The following DMD variants were observed in gnomAD, a reference collection of about 807,000 sequenced individuals.
The protein encoded by DMD is dystrophin, also known as mutant dystrophin.
DMD carries 63 observed loss-of-function variants against 330.1 expected under a neutral mutation model. The observed-to-expected ratio is 0.19, with a 90% CI of 0.16 to 0.24. DMD has a LOEUF of 0.24. DMD is among the 10% of genes least tolerant of loss of function. DMD has a pLI of 1.00. For missense variants in DMD, 3,344 were observed against 2,684.1 expected (o/e 1.25, Z -5.43); for synonymous variants, 1,223 against 959.8 (o/e 1.27, Z -5.07).
intron 57 of DMD, among the ~76,000 whole-genome samples, chrX:31,483,040 C>CTTT (rs375059694): frequency 1.7e-3 from 119 of 70,754 alleles, no homozygotes; most frequent in Non-Finnish European, 2.1e-3. Flanking sequence ...GGAAATGGAT[C>CTTT]TTTTTTTTTT....
chrX:31,711,821 T>A (rs2084658149), intron 52 of DMD, among the ~76,000 whole-genome samples: 2 of 111,412 alleles, frequency 1.8e-5, no homozygotes, highest in African/African-American at 3.3e-5. Context: ...ATAGTCAGAC[T>A]GAAGTTCAAT....
chrX:31,355,085 G>C (rs1354537497), intron 60 of DMD, among the ~76,000 whole-genome samples: 1 of 111,767 alleles, frequency 8.9e-6, no homozygotes, highest in African/African-American at 3.2e-5. Context: ...TAAGCCAAAA[G>C]AATAAAAGAA....
intron 11 of DMD, among the ~76,000 whole-genome samples, chrX:32,633,714 A>G (rs759778912): frequency 1.8e-5 from 2 of 112,042 alleles, no homozygotes; most frequent in South Asian, 7.4e-4. Flanking sequence ...TGATGCTGGC[A>G]TCTGCTCAGC....
chrX:33,311,134 C>A (rs1305051585), intron 1 of DMD, among the ~76,000 whole-genome samples: 1 of 109,840 alleles, frequency 9.1e-6, no homozygotes. Flanking sequence ...TATATACATA[C>A]ATACTTCATA....
chrX:31,183,275 G>C (rs2041358982), intron 67 of DMD, among the ~76,000 whole-genome samples: 1 of 108,977 alleles, frequency 9.2e-6, no homozygotes, highest in Non-Finnish European at 1.9e-5. Context: ...GGTGTTTACT[G>C]ATAAAATTTC....
chrX:33,252,713 T>C (rs2052791280), intron 1 of DMD, among the ~76,000 whole-genome samples: 1 of 110,958 alleles, frequency 9.0e-6, no homozygotes, highest in Non-Finnish European at 1.9e-5. Flanking sequence ...ATTTCGCTAC[T>C]TAAAAAATGA....
intron 1 of DMD, among the ~76,000 whole-genome samples, chrX:33,253,802 A>C (rs970739317): frequency 3.6e-5 from 4 of 111,272 alleles, no homozygotes; most frequent in African/African-American, 1.3e-4. Flanking sequence ...CATAAATACT[A>C]ATGAAATTTT....
chrX:31,535,692 C>T (rs1235424462), intron 55 of DMD, among the ~76,000 whole-genome samples: 5 of 111,612 alleles, frequency 4.5e-5, no homozygotes, highest in African/African-American at 9.8e-5. Flanking sequence ...CCACCTTTTC[C>T]CCCTCCAATC....
chrX:31,783,848 T>C (rs1268257096), intron 50 of DMD, among the ~76,000 whole-genome samples: 1 of 111,412 alleles, frequency 9.0e-6, no homozygotes, highest in East Asian at 2.8e-4. Flanking sequence ...AATGCGACAA[T>C]ATTAAATAGT....
intron 7 of DMD, among the ~76,000 whole-genome samples, chrX:32,727,022 C>A (rs1057124648): frequency 2.7e-5 from 3 of 110,518 alleles, no homozygotes; most frequent in Non-Finnish European, 5.7e-5. Context: ...TAAAGGCAGT[C>A]ATGGTTCCTC....
chrX:32,476,151 T>C (rs190636474), intron 21 of DMD, among the ~76,000 whole-genome samples: 22 of 111,076 alleles, frequency 2.0e-4, no homozygotes, highest in African/African-American at 7.2e-4. Context: ...AAATTTGGTT[T>C]AATTGAACTT....
At chrX:31,928,748 G>A (rs960454002) in intron 47 of DMD, among the ~76,000 whole-genome samples, 8 of 111,716 alleles carry the variant, frequency 7.2e-5, no homozygotes, top group African/African-American at 2.0e-4. Context: ...AAGTAACACC[G>A]AAATACGATT....
chrX:32,481,753 A>G (rs1396331019), intron 21 of DMD, among the ~76,000 whole-genome samples: 4 of 112,072 alleles, frequency 3.6e-5, no homozygotes, highest in Admixed American at 1.9e-4. Flanking sequence ...AAGTAATTAT[A>G]ATCTGCAATA....
Position 32,844,776 on chromosome X carries a change from T to G in DMD, c.264+7A>C. 8.3e-7 allele frequency: 1 copy of G among 1,203,714 alleles called. No individual in the cohort carries two copies. The highest frequency in any genetic ancestry group is 1.1e-6 in the Non-Finnish European group (1 of 888,053). ...AGCATCCAGACCTTGTCCAGGGTAC[T>G]ACTTACATTATTGTTCTGCAAAACC... On this transcript the variant is annotated splice_region_variant and intron_variant, in intron 4 of 78. Coordinates refer to ENST00000357033, the MANE Select transcript of DMD (RefSeq NM_004006.3).
intron 1 of DMD, among the ~76,000 whole-genome samples, chrX:33,085,178 T>C (rs1488841493): frequency 1.8e-5 from 2 of 111,713 alleles, no homozygotes; most frequent in Non-Finnish European, 3.8e-5. Flanking sequence ...GGGAAATAAC[T>C]TGTTTGGTGA....
At chrX:33,293,132 A>G (rs187073539) in intron 1 of DMD, among the ~76,000 whole-genome samples, 19 of 111,333 alleles carry the variant, frequency 1.7e-4, no homozygotes, top group Admixed American at 1.4e-3. Flanking sequence ...TTTGATTTTT[A>G]TCTTTTCTCA....
intron 39 of DMD, 40 bp from the exon 40 acceptor site, chrX:32,343,326 T>A (rs1409878913): frequency 9.1e-7 from 1 of 1,103,070 alleles, no homozygotes. Context: ...TCAATATATA[T>A]GTATAGTGCA....
chrX:32,598,044 C>T (rs750978779), intron 12 of DMD, among the ~76,000 whole-genome samples: 1 of 112,113 alleles, frequency 8.9e-6, no homozygotes, highest in Admixed American at 9.5e-5. Context: ...TGGAAGGGAA[C>T]TTATTAGGAT....
chrX:32,909,025 C>T (rs6628751), intron 2 of DMD, among the ~76,000 whole-genome samples: 54,727 of 108,934 alleles, frequency 0.5, 10,316 homozygotes, highest in East Asian at 0.88. Flanking sequence ...AATCATATTT[C>T]GATTTGGTTG....
Sources: gnomAD v4.1 joint callset for allele counts (sites outside exome capture counted in the v4.1 genomes callset) on GRCh38, gnomAD v4.1.1 for gene constraint, MANE v1.5 for transcripts, NCBI Gene and HGNC (gene_info 2026-07-23, HGNC 2026-07-21) for gene names.